USP37: variants seen among roughly 807,000 people sequenced by gnomAD.
USP37 encodes the protein ubiquitin carboxyl-terminal hydrolase 37.
USP37 carries 27 observed loss-of-function variants against 124.0 expected under a neutral mutation model. The observed-to-expected ratio is 0.22, with a 90% CI of 0.16 to 0.30. The LOEUF (loss-of-function observed/expected upper bound fraction) is 0.30. USP37 is among the 10% of genes least tolerant of loss of function. USP37 has a pLI of 1.00. For synonymous variants in USP37, 365 were observed against 388.0 expected (o/e 0.94, Z 0.70); for missense variants, 889 against 1,140.4 (o/e 0.78, Z 3.17).
rs533229851 is a variant in USP37 at position 218,501,925 on chromosome 2, C to T, written c.1026-3768G>A. On this transcript the variant is annotated intron_variant, in intron 11 of 25. Transcript: ENST00000258399. Reference sequence around the variant, plus strand: ...ATGGAGCTACTGGCCAAACAACTCCCAGAACTCACACAGGGACTAAAATTC... The same window carrying T: ...ATGGAGCTACTGGCCAAACAACTCCTAGAACTCACACAGGGACTAAAATTC... 1.1e-4 allele frequency among the ~76,000 whole-genome samples: 17 copies of T among 152,264 alleles called. No homozygotes were observed. The South Asian group carries it at 1.5e-3, about 13-fold the overall frequency.
intron 10 of USP37, among the ~76,000 whole-genome samples, chr2:218,516,805 A>G (rs1425500448): frequency 6.6e-6 from 1 of 152,226 alleles, no homozygotes; most frequent in African/African-American, 2.4e-5. Context: ...GAGCTAGGAA[A>G]TGTATGTACG....
chr2:218,535,992 G>A (rs971322504), intron 8 of USP37, among the ~76,000 whole-genome samples: 4 of 136,036 alleles, frequency 2.9e-5, no homozygotes, highest in African/African-American at 1.1e-4. Flanking sequence ...ACTCCAGAAT[G>A]GGTGACAAGA....
chr2:218,519,392 C>G (rs1156740503), intron 10 of USP37, among the ~76,000 whole-genome samples: 1 of 152,192 alleles, frequency 6.6e-6, no homozygotes, highest in Admixed American at 6.5e-5. Context: ...TTACTTCTAG[C>G]TCATCCTTAT....
At chr2:218,507,883 A>C (rs1689763563) in intron 11 of USP37, among the ~76,000 whole-genome samples, 1 of 152,182 alleles carries the variant, frequency 6.6e-6, no homozygotes, top group South Asian at 2.1e-4. Context: ...CTAGTTCTGC[A>C]AACTACCAAG....
At chr2:218,477,151 G>A (rs953719393) in intron 18 of USP37, among the ~76,000 whole-genome samples, 170 bp from the exon 19 acceptor site, 2 of 152,116 alleles carry the variant, frequency 1.3e-5, no homozygotes, top group African/African-American at 4.8e-5. Flanking sequence ...CACTCCAAAA[G>A]AGCCATGCTT....
chr2:218,474,983 C>A (rs1690887519), intron 19 of USP37, 98 bp from the exon 20 acceptor site: 1 of 1,299,920 alleles, frequency 7.7e-7, no homozygotes, highest in Non-Finnish European at 1.0e-6. Flanking sequence ...TAAAAAGTTT[C>A]CTTTCTTTGA....
intron 14 of USP37, among the ~76,000 whole-genome samples, chr2:218,490,776 G>C (rs893745245): frequency 5.3e-5 from 8 of 152,052 alleles, no homozygotes; most frequent in Non-Finnish European, 1.0e-4. Flanking sequence ...ATTTTACCTG[G>C]CCCAAAGGAA....
chr2:218,485,442 T>G (rs1310494482), intron 16 of USP37, among the ~76,000 whole-genome samples: 1 of 151,974 alleles, frequency 6.6e-6, no homozygotes, highest in African/African-American at 2.4e-5. Context: ...GCGTGAGCTA[T>G]CACACCTGGT....
At chr2:218,556,384 C>T (rs1341991124) in intron 4 of USP37, among the ~76,000 whole-genome samples, 7 of 151,566 alleles carry the variant, frequency 4.6e-5, no homozygotes, top group Non-Finnish European at 1.0e-4. Flanking sequence ...CTATGTTTGG[C>T]AAACTTCTAT....
chr2:218,512,200 A>G (rs1690039172), intron 10 of USP37, among the ~76,000 whole-genome samples: 1 of 151,958 alleles, frequency 6.6e-6, no homozygotes, highest in Non-Finnish European at 1.5e-5. Context: ...ATATCAAGAC[A>G]CTGTCTCTAT....
At chr2:218,478,364 A>T (rs1691084940) in intron 18 of USP37, among the ~76,000 whole-genome samples, 1 of 152,208 alleles carries the variant, frequency 6.6e-6, no homozygotes, top group Non-Finnish European at 1.5e-5. Context: ...ACCTGAACAT[A>T]TTAATTTGTT....
intron 20 of USP37, among the ~76,000 whole-genome samples, chr2:218,468,280 T>C (rs1431704607): frequency 4.7e-5 from 7 of 147,954 alleles, no homozygotes; most frequent in Admixed American, 1.3e-4. Flanking sequence ...TTGTGGCTCA[T>C]TGCAACCTCC....
At chr2:218,534,331 A>G (rs1487243994) in intron 9 of USP37, among the ~76,000 whole-genome samples, 1 of 152,164 alleles carries the variant, frequency 6.6e-6, no homozygotes, top group Non-Finnish European at 1.5e-5. Flanking sequence ...TCCACTAAAA[A>G]TTCAAAAATT....
chr2:218,558,482 C>CAATA lies in USP37; in HGVS notation c.156+12_156+15dup. The CAATA allele has an allele frequency of 1.2e-6, 2 of 1,602,384 alleles. No individual in the cohort carries two copies. Among genetic ancestry groups the CAATA allele is most frequent in the Non-Finnish European group, 1.7e-6 (2 of 1,173,452 alleles). On this transcript the variant is annotated intron_variant, in intron 4 of 25. Coordinates refer to ENST00000258399, the MANE Select transcript of USP37 (RefSeq NM_020935.3). ...ATCTGCTTCAAGAGCTATTCCAAAT[C>CAATA]AATATTTGGTATTACCTGAAATATC...
At chr2:218,535,779 C>T (rs549368143) in intron 8 of USP37, among the ~76,000 whole-genome samples, 8 of 151,384 alleles carry the variant, frequency 5.3e-5, no homozygotes, top group South Asian at 4.2e-4. Context: ...GGCGTGAACC[C>T]GGGAGGCGGA....
chr2:218,471,903 G>A (rs1173565826), intron 20 of USP37, among the ~76,000 whole-genome samples: 3 of 151,938 alleles, frequency 2.0e-5, no homozygotes, highest in Admixed American at 6.6e-5. Flanking sequence ...GGTGGCGGGC[G>A]CCTGTAATCC....
At position 218,560,606 on chromosome 2, in the gene USP37, G is replaced by A. The variant is rs1574968694; in HGVS notation, c.-25+214C>T. 2.6e-5 allele frequency among the ~76,000 whole-genome samples: 4 copies of A among 152,274 alleles called. No homozygotes were observed. In the South Asian group the frequency reaches 8.3e-4, roughly 32 times the overall value. ...CTCAACTATCTATAGGGGCTAGCAGGTGACAGAAATGACTTAAGCAGGCAA... is the reference window on the plus strand; with the variant it reads ...CTCAACTATCTATAGGGGCTAGCAGATGACAGAAATGACTTAAGCAGGCAA... On this transcript the variant is annotated intron_variant, in intron 3 of 25. Transcript: ENST00000258399.
intron 4 of USP37, among the ~76,000 whole-genome samples, chr2:218,554,484 T>C (rs1392007754): frequency 6.6e-6 from 1 of 152,184 alleles, no homozygotes; most frequent in Non-Finnish European, 1.5e-5. Context: ...CCATGGCTCA[T>C]GCCTGTAATC....
chr2:218,479,584 T>C lies in USP37; in HGVS notation c.1901+66A>G, dbSNP rs868180245. ...CAATAATGAAAAGGCAGGGAGGCAA[T>C]CTTGGAGATTAGGGTAAGCCAAAAC... On this transcript the variant is annotated intron_variant, in intron 18 of 25. Transcript: ENST00000258399. 156 of 1,296,846 alleles carry C rather than the reference T, an allele frequency of 1.2e-4. 1 individual carries two copies. The Middle Eastern group carries it at 1.5e-3, about 12-fold the overall frequency. The allele number at this position is 1,296,846 out of a possible 1,614,324, so 80.3% of individuals were successfully genotyped here. A position where few individuals can be genotyped will look rare whatever the true frequency, so the allele number is the denominator to read the frequency against.
Sources: gnomAD v4.1 joint callset for allele counts (sites outside exome capture counted in the v4.1 genomes callset) on GRCh38, gnomAD v4.1.1 for gene constraint, MANE v1.5 for transcripts, NCBI Gene and HGNC (gene_info 2026-07-23, HGNC 2026-07-21) for gene names.